The following SNX2 variants were observed in gnomAD, a reference collection of about 807,000 sequenced individuals.
SNX2 encodes sorting nexin 2.
In SNX2, 25 loss-of-function variants were observed where a neutral mutation model predicts 69.9. That is an observed-to-expected ratio of 0.36 (90% CI 0.26 to 0.50). SNX2 has a LOEUF of 0.50. Ranked by LOEUF, SNX2 falls within the 20% of genes least tolerant of loss-of-function variation. The probability of loss-of-function intolerance (pLI) is 0.97; values close to 1 mark genes in which losing one functional copy is unlikely to be tolerated. For synonymous variants in SNX2, 229 were observed against 200.4 expected, an observed-to-expected ratio of 1.14 and a Z score of -1.20; for missense variants, 551 against 613.3, an observed-to-expected ratio of 0.90 and a Z score of 1.07.
chr5:122,781,688 T>G lies in SNX2; in HGVS notation c.108+6477T>G, dbSNP rs918679844. On this transcript the variant is annotated intron_variant, in intron 1 of 14. Transcript: ENST00000379516. ...AGCACTTGTTATTATCAATTTTAAT[T>G]TTAGGCAGTGGTGAGCTGAAGGCTG... 6.6e-5 allele frequency among the ~76,000 whole-genome samples: 10 copies of G among 152,290 alleles called. No individual in the cohort carries two copies. The South Asian group carries it at 1.7e-3, about 25-fold the overall frequency.
At chr5:122,821,419 T>G (rs1290021299) in intron 11 of SNX2, among the ~76,000 whole-genome samples, 1 of 152,040 alleles carries the variant, frequency 6.6e-6, no homozygotes, top group African/African-American at 2.4e-5. Flanking sequence ...CCACTCCACT[T>G]AATAGGGCGG....
chr5:122,807,517 G>A (rs531759994), intron 6 of SNX2, among the ~76,000 whole-genome samples: 1 of 152,184 alleles, frequency 6.6e-6, no homozygotes, highest in African/African-American at 2.4e-5. Flanking sequence ...TTTTGTGTGT[G>A]ACAAATTCCT....
intron 1 of SNX2, among the ~76,000 whole-genome samples, chr5:122,789,012 A>G (rs1402220719): frequency 1.3e-5 from 2 of 152,182 alleles, no homozygotes; most frequent in African/African-American, 4.8e-5. Flanking sequence ...CCCAAATGTT[A>G]TATTGTGTAG....
At chr5:122,789,503 A>T (rs941142977) in intron 1 of SNX2, among the ~76,000 whole-genome samples, 2 of 142,858 alleles carry the variant, frequency 1.4e-5, no homozygotes, top group Non-Finnish European at 3.0e-5. Flanking sequence ...ACACACACAC[A>T]CTCTTCCTCT....
At chr5:122,780,303 C>T (rs1032183997) in intron 1 of SNX2, among the ~76,000 whole-genome samples, 1 of 152,038 alleles carries the variant, frequency 6.6e-6, no homozygotes, top group African/African-American at 2.4e-5. Flanking sequence ...CCTGCCATAC[C>T]AGGTGATATA....
intron 1 of SNX2, among the ~76,000 whole-genome samples, chr5:122,789,464 G>A (rs57366355): frequency 2.9e-5 from 1 of 34,166 alleles, no homozygotes; most frequent in Admixed American, 3.9e-4. Context: ...CACACACACA[G>A]ACACACACGG....
intron 6 of SNX2, among the ~76,000 whole-genome samples, chr5:122,806,397 G>A (rs1753659011): frequency 1.3e-5 from 2 of 151,992 alleles, no homozygotes; most frequent in South Asian, 4.1e-4. Flanking sequence ...ACTTATAGCA[G>A]GGAGCATGGA....
chr5:122,803,990 G>T (rs6595412), intron 6 of SNX2: 94,484 of 153,462 alleles, frequency 0.62, 29,475 homozygotes, highest in African/African-American at 0.7. Context: ...AATACAAAAA[G>T]TAGCCAGGCA....
At chr5:122,795,900 T>G (rs558418685) in intron 2 of SNX2, among the ~76,000 whole-genome samples, 1 of 152,350 alleles carries the variant, frequency 6.6e-6, no homozygotes, top group South Asian at 2.1e-4. Context: ...TAGTTCATCC[T>G]AACTTAAGAA....
intron 1 of SNX2, among the ~76,000 whole-genome samples, chr5:122,786,825 C>T (rs1753102189): frequency 6.6e-6 from 1 of 151,966 alleles, no homozygotes; most frequent in East Asian, 1.9e-4. Flanking sequence ...TAGTGTCAGT[C>T]TGTTGGGGAG....
At chr5:122,804,365 CTTTTT>C (rs1284102957) in intron 6 of SNX2, among the ~76,000 whole-genome samples, 1 of 135,758 alleles carries the variant, frequency 7.4e-6, no homozygotes, top group Non-Finnish European at 1.6e-5. Context: ...AACATTTCTA[CTTTTT>C]TTTTTTTTTT....
chr5:122,794,401 G>A (rs780183206), intron 1 of SNX2, among the ~76,000 whole-genome samples: 2 of 152,148 alleles, frequency 1.3e-5, no homozygotes, highest in African/African-American at 2.4e-5. Flanking sequence ...AGTTTGAAGC[G>A]ATAGAAATTT....
chr5:122,801,659 G>C (rs888406731), intron 3 of SNX2, among the ~76,000 whole-genome samples: 1 of 147,994 alleles, frequency 6.8e-6, no homozygotes, highest in East Asian at 2.0e-4. Flanking sequence ...TTTCGTGTGT[G>C]TGTGTGTGTG....
intron 2 of SNX2, among the ~76,000 whole-genome samples, chr5:122,798,667 T>C (rs1236836526): frequency 6.6e-6 from 1 of 152,182 alleles, no homozygotes; most frequent in Non-Finnish European, 1.5e-5. Context: ...CTAGCAAAGT[T>C]GTAGTTTACA....
intron 6 of SNX2, 29 bp from the exon 7 acceptor site, chr5:122,808,248 A>G (rs766786991): frequency 7.2e-7 from 1 of 1,394,816 alleles, no homozygotes; most frequent in Non-Finnish European, 1.0e-6. Context: ...ATATAAAGTC[A>G]TCATGAATCT....
At position 122,833,462 on chromosome 5, in the gene SNX2, T is replaced by C. The variant is rs1387788892; in HGVS notation, c.*3814T>C. ...TAATCCAGTAGCTCCAAAATATTATTTTAATATGTAATCCAATATATTGAA... is the reference window on the plus strand; with the variant it reads ...TAATCCAGTAGCTCCAAAATATTATCTTAATATGTAATCCAATATATTGAA... On this transcript the variant is annotated 3_prime_UTR_variant, in exon 15 of 15. Coordinates refer to ENST00000379516, the MANE Select transcript of SNX2 (RefSeq NM_003100.4). The C allele has an allele frequency of 6.6e-6, 1 of 152,174 alleles. No individual in the cohort carries two copies. Among genetic ancestry groups the C allele is most frequent in the East Asian group, 1.9e-4 (1 of 5,200 alleles). 9.4% of individuals were successfully genotyped at this position (152,174 alleles called of 1,614,324 possible).
At chr5:122,805,705 T>G (rs1335506070) in intron 6 of SNX2, among the ~76,000 whole-genome samples, 1 of 152,118 alleles carries the variant, frequency 6.6e-6, no homozygotes, top group Non-Finnish European at 1.5e-5. Flanking sequence ...GATGGTTCAA[T>G]CCAAAGTGTT....
intron 1 of SNX2, among the ~76,000 whole-genome samples, chr5:122,788,170 C>A (rs909314222): frequency 6.6e-6 from 1 of 152,306 alleles, no homozygotes; most frequent in African/African-American, 2.4e-5. Context: ...GTTTCTGCAT[C>A]AATAGGTCTT....
Position 122,827,393 on chromosome 5 carries a change from G to C in SNX2, c.1371G>C (p.Val457=), listed in dbSNP as rs1194504673. 3.7e-6 allele frequency: 6 copies of C among 1,613,320 alleles called. No individual in the cohort carries two copies. In the East Asian group the frequency reaches 1.3e-4, roughly 36 times the overall value. ...KNEIREWEAK[V]QQGERDFEQI... The stretch of plus-strand genomic sequence containing the variant: ...GTTTTTATTAGTGGGAGGCGAAAGT[G>C]CAACAAGGGGAAAGAGATTTTGAAC... Residue 457 remains valine, a synonymous_variant, in exon 13 of 15, where the codon GTG becomes GTC. Coordinates refer to ENST00000379516, the MANE Select transcript of SNX2 (RefSeq NM_003100.4).
Sources: gnomAD v4.1 joint callset for allele counts (sites outside exome capture counted in the v4.1 genomes callset) on GRCh38, gnomAD v4.1.1 for gene constraint, MANE v1.5 for transcripts, NCBI Gene and HGNC (gene_info 2026-07-23, HGNC 2026-07-21) for gene names.